Variants in CARM1 observed in about 807,000 individuals in gnomAD.
CARM1 encodes histone-arginine methyltransferase CARM1.
A neutral mutation model predicts 72.7 loss-of-function variants in CARM1; 14 were observed. The ratio of observed to expected loss-of-function variants is 0.19; its 90% CI spans 0.13 to 0.30. CARM1 has a LOEUF of 0.30. CARM1 is among the 10% of genes least tolerant of loss of function. CARM1 has a pLI of 1.00. For synonymous variants in CARM1, 333 were observed against 345.5 expected (o/e 0.96, Z 0.40); for missense variants, 432 against 833.7 (o/e 0.52, Z 5.93).
At position 10,916,679 on chromosome 19, in the gene CARM1, G is replaced by T; in HGVS notation, c.939-17G>T. Reference sequence around the variant, plus strand: ...CTGCAGCCCTGACCTTGCTGTGGGGGTGGGGCCTGTCCACAGGTACCAGCC... The same window carrying T: ...CTGCAGCCCTGACCTTGCTGTGGGGTTGGGGCCTGTCCACAGGTACCAGCC... On this transcript the variant is annotated splice_polypyrimidine_tract_variant and intron_variant, in intron 7 of 15. Coordinates refer to ENST00000327064, the MANE Select transcript of CARM1 (RefSeq NM_199141.2). This position sits in a 1 kb window ranked among gnomAD's most constrained non-coding sequence, Gnocchi z 4.4. 6.4e-7 allele frequency: 1 copy of T among 1,567,806 alleles called. No individual in the cohort carries two copies. Among genetic ancestry groups the T allele is most frequent in the Non-Finnish European group, 8.7e-7 (1 of 1,155,480 alleles).
chr19:10,912,332 G>A lies in CARM1; in HGVS notation c.669+38G>A, dbSNP rs781175477. ...CTGGTGCCCACCCAGCCTCGTCCTC[G>A]CCCATGAGTGCCATGCCGGCCCCAG... On this transcript the variant is annotated intron_variant, in intron 5 of 15. Transcript: ENST00000327064. This position sits in a 1 kb window ranked among gnomAD's most constrained non-coding sequence, Gnocchi z 4.5. 19 of 1,450,734 alleles carry A rather than the reference G, an allele frequency of 1.3e-5. No homozygotes were observed. Among genetic ancestry groups the A allele is most frequent in the African/African-American group, 2.8e-5 (2 of 71,670 alleles). 89.9% of individuals were successfully genotyped at this position (1,450,734 alleles called of 1,614,324 possible).
At chr19:10,886,056 CTTTTTTTT>C (rs899009522) in intron 1 of CARM1, among the ~76,000 whole-genome samples, 8 of 136,502 alleles carry the variant, frequency 5.9e-5, no homozygotes, top group African/African-American at 1.9e-4. Context: ...TTCTTTCTTT[CTTTTTTTT>C]TTTTTTTTTG....
intron 4 of CARM1, among the ~76,000 whole-genome samples, chr19:10,911,181 G>C (rs374705787): frequency 6.6e-6 from 1 of 152,186 alleles, no homozygotes; most frequent in African/African-American, 2.4e-5. Context: ...GTGAGCCGCC[G>C]CACCTGGCCT....
chr19:10,884,352 A>C (rs548364658), intron 1 of CARM1, among the ~76,000 whole-genome samples: 446 of 151,888 alleles, frequency 2.9e-3, no homozygotes, highest in African/African-American at 9.4e-3. Flanking sequence ...AAAAAAAAAA[A>C]AAAACAAAAA....
In CARM1 at chr19:10,921,891, G is replaced by C. The variant is rs2074258473; in HGVS notation, c.*134G>C. 3.3e-6 allele frequency: 3 copies of C among 912,218 alleles called. 1 individual carries two copies. The South Asian group carries it at 5.1e-5, about 16-fold the overall frequency. 56.5% of individuals were successfully genotyped at this position (912,218 alleles called of 1,614,324 possible). ...ACAGCTCTCTTTGCTATGGGAACTG[G>C]GACACTTTTTTACACGATGTTGCCG... On this transcript the variant is annotated 3_prime_UTR_variant, in exon 16 of 16. Coordinates refer to ENST00000327064, the MANE Select transcript of CARM1 (RefSeq NM_199141.2).
chr19:10,912,100 ATG>A lies in CARM1; in HGVS notation c.559-81_559-80del. 1.1e-6 allele frequency: 1 copy of A among 950,736 alleles called. No homozygotes were observed. The allele number at this position is 950,736 out of a possible 1,614,324, so 58.9% of individuals were successfully genotyped here. A position where few individuals can be genotyped will look rare whatever the true frequency, so the allele number is the denominator to read the frequency against. On this transcript the variant is annotated intron_variant, in intron 4 of 15. Coordinates refer to ENST00000327064, the MANE Select transcript of CARM1 (RefSeq NM_199141.2). This position sits in a 1 kb window ranked among gnomAD's most constrained non-coding sequence, Gnocchi z 4.5. Reference sequence around the variant, plus strand: ...TGAGAGTGAAGACAGACGCCTCATGATGTGCACATCCCTTATGATCACTGTCA... The same window carrying A: ...TGAGAGTGAAGACAGACGCCTCATGATGCACATCCCTTATGATCACTGTCA...
At chr19:10,888,367 G>T (rs991583352) in intron 1 of CARM1, among the ~76,000 whole-genome samples, 6 of 152,194 alleles carry the variant, frequency 3.9e-5, no homozygotes, top group Admixed American at 3.3e-4. Flanking sequence ...ACCAGCTTCT[G>T]GGTCCCCAGC....
intron 1 of CARM1, among the ~76,000 whole-genome samples, chr19:10,883,691 C>A (rs1344557644): frequency 6.6e-6 from 1 of 152,206 alleles, no homozygotes; most frequent in Non-Finnish European, 1.5e-5. Context: ...GTAGCTGGGA[C>A]TACAGGTATG....
chr19:10,909,014 T>C (rs2074125388), intron 3 of CARM1, 89 bp from the exon 4 acceptor site: 3 of 940,448 alleles, frequency 3.2e-6, no homozygotes, highest in Non-Finnish European at 5.1e-6. Context: ...GTGCCCTAGA[T>C]GGCCCCTTGC....
intron 1 of CARM1, among the ~76,000 whole-genome samples, chr19:10,873,997 A>G (rs773802479): frequency 2.6e-5 from 4 of 152,114 alleles, no homozygotes; most frequent in Non-Finnish European, 5.9e-5. Flanking sequence ...CTACCATCTT[A>G]TTCCTGGAGT....
Position 10,921,637 on chromosome 19 carries a change from T to C in CARM1, c.1707T>C (p.Ser569=), listed in dbSNP as rs2074252677. The C allele has an allele frequency of 6.2e-7, 1 of 1,612,842 alleles. No individual in the cohort carries two copies. The highest frequency in any genetic ancestry group is 1.3e-5 in the African/African-American group (1 of 74,902). Residue 569 remains serine (S), a synonymous_variant, in exon 16 of 16, where the codon AGT becomes AGC. Coordinates refer to ENST00000327064, the MANE Select transcript of CARM1 (RefSeq NM_199141.2). The part of the protein sequence containing the change: ...IVQGSSGAQG[S]GGGSTSAHYA... ...CAGGGTCCTCCGGCGCCCAGGGCAG[T>C]GGTGGTGGCAGCACGAGTGCCCACT...
At position 10,919,615 on chromosome 19, in the gene CARM1, C is replaced by T. The variant is rs2074224082; in HGVS notation, c.1041C>T (p.Ile347=). 1 of 1,614,008 alleles carries T rather than the reference C, an allele frequency of 6.2e-7. No individual in the cohort carries two copies. The highest frequency in any genetic ancestry group is 8.5e-7 in the Non-Finnish European group (1 of 1,179,838). ...QPVVDTFDIR[I]LMAKSVKYTV... ...CCCAGGACACATTTGACATCCGGAT[C>T]CTGATGGCCAAGTCTGTCAAGTACA... Residue 347 remains isoleucine (I), a synonymous_variant, in exon 9 of 16, where the codon ATC becomes ATT. Coordinates refer to ENST00000327064, the MANE Select transcript of CARM1 (RefSeq NM_199141.2).
intron 4 of CARM1, among the ~76,000 whole-genome samples, chr19:10,910,194 C>T (rs767705253): frequency 2.0e-5 from 3 of 151,406 alleles, no homozygotes; most frequent in East Asian, 3.9e-4. Context: ...AAGTAGAAAT[C>T]GGCCAGGCAC....
intron 1 of CARM1, among the ~76,000 whole-genome samples, chr19:10,884,640 T>C (rs557576708): frequency 3.3e-5 from 5 of 152,190 alleles, no homozygotes; most frequent in African/African-American, 1.2e-4. Flanking sequence ...CTGAAGGAGT[T>C]GGGTCTGGAG....
Position 10,922,002 on chromosome 19 carries a change from T to TC in CARM1, c.*251dup, listed in dbSNP as rs1320092142. ...CAAAATCATGTTGTGGGAGCCCTCG[T>TC]CCCCCCTCCTGCCCGCTCTACCCTG... On this transcript the variant is annotated 3_prime_UTR_variant, in exon 16 of 16. Coordinates refer to ENST00000327064, the MANE Select transcript of CARM1 (RefSeq NM_199141.2). 7.3e-6 allele frequency: 3 copies of TC among 408,978 alleles called. No homozygotes were observed. The highest frequency in any genetic ancestry group is 4.2e-5 in the African/African-American group (2 of 47,990). 25.3% of individuals were successfully genotyped at this position (408,978 alleles called of 1,614,324 possible).
chr19:10,906,595 C>T (rs147108181), intron 2 of CARM1, among the ~76,000 whole-genome samples: 71 of 151,990 alleles, frequency 4.7e-4, no homozygotes, highest in Middle Eastern at 6.9e-3. Flanking sequence ...CCTGAGTAGC[C>T]GGGATTACAG....
At chr19:10,880,649 A>T (rs2073895762) in intron 1 of CARM1, among the ~76,000 whole-genome samples, 1 of 151,528 alleles carries the variant, frequency 6.6e-6, no homozygotes, top group African/African-American at 2.4e-5. Context: ...CATGGCAGCC[A>T]CGGCTCCAGA....
At chr19:10,904,585 T>C (rs2074089236) in intron 1 of CARM1, among the ~76,000 whole-genome samples, 1 of 152,248 alleles carries the variant, frequency 6.6e-6, no homozygotes, top group South Asian at 2.1e-4. Context: ...GTCACTGCTC[T>C]GCGCCCATCC....
Position 10,920,924 on chromosome 19 carries a change from C to T in CARM1, c.1515C>T (p.Leu505=), listed in dbSNP as rs780775044. The T allele has an allele frequency of 1.2e-6, 2 of 1,614,246 alleles. No homozygotes were observed. Among genetic ancestry groups the T allele is most frequent in the South Asian group, 1.1e-5 (1 of 91,090 alleles). ...GGAACACGGGCAGCACCTACAACCT[C>T]AGCAGCGGGATGGCCGTGGCAGGTG... ...NMWNTGSTYN[L]SSGMAVAGMP... Residue 505 remains leucine (L), a synonymous_variant, in exon 13 of 16, where the codon CTC becomes CTT. Coordinates refer to ENST00000327064, the MANE Select transcript of CARM1 (RefSeq NM_199141.2). The surrounding 1 kb of genome is among the most constrained non-coding windows in gnomAD (Gnocchi z 5.3).
Sources: gnomAD v4.1 joint callset for allele counts (sites outside exome capture counted in the v4.1 genomes callset) on GRCh38, gnomAD v4.1.1 for gene constraint, Gnocchi (gnomAD v3.1) non-coding constraint, MANE v1.5 for transcripts, NCBI Gene and HGNC (gene_info 2026-07-23, HGNC 2026-07-21) for gene names.